DOCK5: variants seen among roughly 807,000 people sequenced by gnomAD.
The protein encoded by DOCK5 is dedicator of cytokinesis protein 5.
A neutral mutation model predicts 251.8 loss-of-function variants in DOCK5; 142 were observed. The ratio of observed to expected loss-of-function variants is 0.56; its 90% CI spans 0.49 to 0.65. The LOEUF is 0.65. Ranked by LOEUF, DOCK5 falls within the 30% of genes least tolerant of loss-of-function variation. The pLI is 0.00. For missense variants in DOCK5, 2,111 were observed against 2,312.3 expected (o/e 0.91, Z 1.79); for synonymous variants, 842 against 835.5 (o/e 1.01, Z -0.13).
At chr8:25,252,866 C>T (rs1254196131) in intron 2 of DOCK5, among the ~76,000 whole-genome samples, 1 of 152,134 alleles carries the variant, frequency 6.6e-6, no homozygotes, top group Non-Finnish European at 1.5e-5. Context: ...GAGTGTTACC[C>T]TGTCTCCCAG....
intron 1 of DOCK5, among the ~76,000 whole-genome samples, chr8:25,231,419 A>G (rs923757117): frequency 1.3e-5 from 2 of 152,210 alleles, no homozygotes; most frequent in African/African-American, 4.8e-5. Flanking sequence ...TCAGATTACT[A>G]CACTTGCACT....
intron 43 of DOCK5, 35 bp from the exon 44 acceptor site, chr8:25,392,761 T>G (rs1341389848): frequency 6.4e-7 from 1 of 1,567,032 alleles, no homozygotes; most frequent in Non-Finnish European, 8.8e-7. Flanking sequence ...TCCTGGGAAT[T>G]GACCAACATT....
intron 26 of DOCK5, 97 bp downstream of exon 26, chr8:25,345,708 C>CCAG: frequency 6.6e-7 from 1 of 1,523,046 alleles, no homozygotes; most frequent in Admixed American, 1.8e-5. Context: ...CAGGTAGTTT[C>CCAG]CAGCTCCGGT....
chr8:25,219,082 A>T (rs1015546561), intron 1 of DOCK5, among the ~76,000 whole-genome samples: 1 of 152,040 alleles, frequency 6.6e-6, no homozygotes, highest in African/African-American at 2.4e-5. Context: ...TTATTTACTG[A>T]CTTCCGCTAT....
chr8:25,341,289 GT>G (rs571478193), intron 23 of DOCK5, among the ~76,000 whole-genome samples: 130 of 152,130 alleles, frequency 8.5e-4, no homozygotes, highest in Non-Finnish European at 1.5e-3. Context: ...TGCACTACAG[GT>G]GACAAATTTT....
chr8:25,229,932 T>C (rs1359333022), intron 1 of DOCK5, among the ~76,000 whole-genome samples: 1 of 152,200 alleles, frequency 6.6e-6, no homozygotes, highest in African/African-American at 2.4e-5. Flanking sequence ...AGCTTGCTCA[T>C]CCTAGACTGC....
intron 4 of DOCK5, 141 bp from the exon 5 acceptor site, chr8:25,278,428 G>T: frequency 1.4e-6 from 1 of 715,244 alleles, no homozygotes; most frequent in East Asian, 2.7e-5. Flanking sequence ...GCTTGGATGC[G>T]ATAAAGTCCC....
At position 25,286,181 on chromosome 8, in the gene DOCK5, A is replaced by G. The variant is rs940025787; in HGVS notation, c.322-5843A>G. Among the ~76,000 whole-genome samples the G allele has an allele frequency of 2.0e-5, 3 of 152,104 alleles. No homozygotes were observed. The East Asian group carries it at 5.8e-4, about 29-fold the overall frequency. ...TAGCTCAAGAACACAGAAGGACCCA[A>G]ACACCCCATCTGGACCCAGGTGTTA... On this transcript the variant is annotated intron_variant, in intron 5 of 51. Transcript: ENST00000276440.
intron 1 of DOCK5, among the ~76,000 whole-genome samples, chr8:25,241,178 A>T (rs1475785233): frequency 6.6e-6 from 1 of 152,216 alleles, no homozygotes; most frequent in East Asian, 1.9e-4. Context: ...TAGAATGGCG[A>T]TCGTTAAAAG....
intron 41 of DOCK5, 125 bp downstream of exon 41, chr8:25,389,357 C>A: frequency 7.9e-7 from 1 of 1,258,618 alleles, no homozygotes. Context: ...AGCATTCTGA[C>A]ACAGGTTCCC....
Position 25,400,937 on chromosome 8 carries a change from G to C in DOCK5, c.4797G>C (p.Leu1599=). The change falls in exon 47 of 52, where the codon CTG becomes CTC. Residue 1599 remains leucine, a synonymous_variant. Coordinates refer to ENST00000276440, the MANE Select transcript of DOCK5 (RefSeq NM_024940.8). The part of the protein sequence containing the change: ...LKRLIALQMP[L]LTEGIRIHGE... ...TTTGCCCTTCTTTCCAGATGCCCCT[G>C]CTAACAGAAGGGATCCGCATCCATG... 6.2e-7 allele frequency: 1 copy of C among 1,613,890 alleles called. No homozygotes were observed. The highest frequency in any genetic ancestry group is 1.1e-5 in the South Asian group (1 of 91,060).
chr8:25,375,025 T>C, intron 37 of DOCK5: 1 of 1,065,902 alleles, frequency 9.4e-7, no homozygotes, highest in Non-Finnish European at 1.2e-6. Flanking sequence ...ATTTTTATTC[T>C]CTCCCTAAAT....
chr8:25,280,745 A>G lies in DOCK5; in HGVS notation c.321+2080A>G, dbSNP rs527542146. The stretch of plus-strand genomic sequence containing the variant: ...GAGAGAATGCACATTAAGTTGCTAA[A>G]TCACAAGGAGGATGGAGACACTGCT... On this transcript the variant is annotated intron_variant, in intron 5 of 51. Coordinates refer to ENST00000276440, the MANE Select transcript of DOCK5 (RefSeq NM_024940.8). 7.2e-5 allele frequency among the ~76,000 whole-genome samples: 11 copies of G among 152,348 alleles called. No homozygotes were observed. The South Asian group carries it at 2.3e-3, about 32-fold the overall frequency.
At chr8:25,201,158 C>T (rs569034866) in intron 1 of DOCK5, among the ~76,000 whole-genome samples, 2 of 152,306 alleles carry the variant, frequency 1.3e-5, no homozygotes, top group South Asian at 4.1e-4. Context: ...CCGCCCACCT[C>T]GGCCTCCCAA....
intron 26 of DOCK5, 125 bp downstream of exon 26, chr8:25,345,736 C>A: frequency 7.3e-7 from 1 of 1,363,182 alleles, no homozygotes; most frequent in Non-Finnish European, 1.0e-6. Context: ...CAGGCTGTGC[C>A]CATTTTAGAG....
chr8:25,388,709 A>G (rs533515402), intron 40 of DOCK5: 4 of 190,444 alleles, frequency 2.1e-5, no homozygotes, highest in African/African-American at 6.9e-5. Flanking sequence ...AAATTAATGC[A>G]CTTCCTTCCT....
At chr8:25,251,526 T>C (rs1050363352) in intron 2 of DOCK5, among the ~76,000 whole-genome samples, 20 of 152,184 alleles carry the variant, frequency 1.3e-4, no homozygotes, top group Non-Finnish European at 2.9e-5. Context: ...CCCTCTAATA[T>C]GAAAAGGAAT....
At chr8:25,399,740 A>G (rs145318735) in intron 45 of DOCK5, among the ~76,000 whole-genome samples, 171 bp from the exon 46 acceptor site, 8 of 152,218 alleles carry the variant, frequency 5.3e-5, no homozygotes, top group African/African-American at 1.9e-4. Context: ...ACACAATAGC[A>G]CACACTTTTT....
intron 4 of DOCK5, among the ~76,000 whole-genome samples, chr8:25,275,895 G>A (rs1041132616): frequency 6.6e-6 from 1 of 152,202 alleles, no homozygotes; most frequent in African/African-American, 2.4e-5. Flanking sequence ...TCCTATGAGA[G>A]AGAAATGAAG....
Sources: allele counts gnomAD v4.1 joint callset (sites outside exome capture counted in the v4.1 genomes callset), GRCh38; gene constraint gnomAD v4.1.1; transcripts MANE v1.5; gene names NCBI Gene and HGNC (gene_info 2026-07-23, HGNC 2026-07-21).